The following HMCN1 variants were observed in gnomAD, a reference collection of about 807,000 sequenced individuals.
HMCN1 encodes the protein hemicentin-1.
In HMCN1, 321 loss-of-function variants were observed where a neutral mutation model predicts 625.9. The observed-to-expected ratio is 0.51, with a 90% CI of 0.47 to 0.56. The LOEUF (loss-of-function observed/expected upper bound fraction) is 0.56. Ranked by LOEUF, HMCN1 falls within the 20% of genes least tolerant of loss-of-function variation. The pLI is 0.00. For synonymous variants in HMCN1, 2,425 were observed against 2,417.6 expected (o/e 1.00, Z -0.09); for missense variants, 6,588 against 6,887.3 (o/e 0.96, Z 1.54).
chr1:185,988,936 C>T (rs183002765), intron 20 of HMCN1, among the ~76,000 whole-genome samples: 1 of 151,692 alleles, frequency 6.6e-6, no homozygotes, highest in Non-Finnish European at 1.5e-5. Context: ...CATTGCTGTT[C>T]TCTGCCTTCT....
intron 1 of HMCN1, among the ~76,000 whole-genome samples, chr1:185,780,276 A>C (rs923500010): frequency 6.6e-6 from 1 of 152,212 alleles, no homozygotes; most frequent in Non-Finnish European, 1.5e-5. Flanking sequence ...CTAAATATAC[A>C]ATCATGTCAT....
rs115499332 is a variant in HMCN1 at position 186,183,233 on chromosome 1, T to G, written c.16414+946T>G. On this transcript the variant is annotated intron_variant, in intron 105 of 106. Transcript: ENST00000271588. The stretch of plus-strand genomic sequence containing the variant: ...GCAATCAAATTTAGATTGAATTTTT[T>G]TCTCTTTATGGGATTCACAAAAGAC... 8.4e-3 allele frequency among the ~76,000 whole-genome samples: 1,279 copies of G among 152,308 alleles called. 24 individuals carry two copies. The highest frequency in any genetic ancestry group is 0.028 in the African/African-American group (1,159 of 41,568).
chr1:186,159,880 C>T (rs1195577185), intron 97 of HMCN1, among the ~76,000 whole-genome samples: 1 of 152,044 alleles, frequency 6.6e-6, no homozygotes, highest in East Asian at 1.9e-4. Flanking sequence ...GTCTAAAATG[C>T]TCTTTTTTGG....
At chr1:186,035,562 G>A (rs886948331) in intron 36 of HMCN1, among the ~76,000 whole-genome samples, 3 of 151,866 alleles carry the variant, frequency 2.0e-5, no homozygotes, top group African/African-American at 4.8e-5. Flanking sequence ...TATGGATTTC[G>A]ATTTTCTTTA....
chr1:186,126,805 C>CT (rs1230650536), intron 82 of HMCN1, among the ~76,000 whole-genome samples: 2 of 152,084 alleles, frequency 1.3e-5, no homozygotes, highest in Non-Finnish European at 2.9e-5. Context: ...ACCTTTTACT[C>CT]TAAGTCAGAA....
chr1:185,752,274 T>G (rs1461810577), intron 1 of HMCN1, among the ~76,000 whole-genome samples: 4 of 152,150 alleles, frequency 2.6e-5, no homozygotes, highest in Admixed American at 2.6e-4. Context: ...GAATTTTTCC[T>G]TGTTTTACTG....
chr1:185,778,608 T>A (rs893044705), intron 1 of HMCN1, among the ~76,000 whole-genome samples: 4 of 151,312 alleles, frequency 2.6e-5, no homozygotes, highest in African/African-American at 9.7e-5. Context: ...TGGTTTTTCG[T>A]CCTTGAGATA....
At chr1:185,866,523 G>T (rs1353511109) in intron 4 of HMCN1, among the ~76,000 whole-genome samples, 1 of 149,526 alleles carries the variant, frequency 6.7e-6, no homozygotes, top group Non-Finnish European at 1.5e-5. Flanking sequence ...TCCTGCCTCA[G>T]CCTCCCGAGT....
At chr1:186,157,943 T>C (rs1329617303) in intron 97 of HMCN1, among the ~76,000 whole-genome samples, 2 of 152,156 alleles carry the variant, frequency 1.3e-5, no homozygotes, top group Non-Finnish European at 2.9e-5. Flanking sequence ...TATAGTCCTT[T>C]GGGTATATAC....
intron 1 of HMCN1, among the ~76,000 whole-genome samples, chr1:185,823,647 G>A (rs972386686): frequency 6.6e-6 from 1 of 152,096 alleles, no homozygotes; most frequent in African/African-American, 2.4e-5. Context: ...GCTCCACTGA[G>A]CTGTTCACAT....
At chr1:185,906,980 G>C (rs1666133354) in intron 4 of HMCN1, among the ~76,000 whole-genome samples, 1 of 140,466 alleles carries the variant, frequency 7.1e-6, no homozygotes, top group Non-Finnish European at 1.5e-5. Flanking sequence ...TAGTTAGGCA[G>C]ACCCTTACAG....
chr1:185,794,923 AT>A (rs1220522982), intron 1 of HMCN1, among the ~76,000 whole-genome samples: 1 of 152,184 alleles, frequency 6.6e-6, no homozygotes, highest in East Asian at 1.9e-4. Context: ...TGGGGTAGAA[AT>A]TTTTAGATTA....
At position 185,922,389 on chromosome 1, in the gene HMCN1, G is replaced by A. The variant is rs1667045148; in HGVS notation, c.911G>A (p.Ser304Asn). Reference sequence around the variant, plus strand: ...ATTAAACATTTTCAGACCTCAAGCAGTGGAAGGCACTCTGTTCGCATTACT... The same window carrying A: ...ATTAAACATTTTCAGACCTCAAGCAATGGAAGGCACTCTGTTCGCATTACT... ...AGMWTVKTSS[S>N]GRHSVRITGL... Residue 304 changes from serine to asparagine, a missense_variant, in exon 7 of 107, where the codon AGT (serine) becomes AAT (asparagine). By Grantham distance (46) the Ser-to-Asn change is conservative. Coordinates refer to ENST00000271588, the MANE Select transcript of HMCN1 (RefSeq NM_031935.3). The A allele has an allele frequency of 1.2e-6, 2 of 1,613,548 alleles. No homozygotes were observed. The highest frequency in any genetic ancestry group is 1.3e-5 in the African/African-American group (1 of 74,944).
chr1:186,029,273 A>G (rs1655261945), intron 36 of HMCN1, among the ~76,000 whole-genome samples: 2 of 152,186 alleles, frequency 1.3e-5, no homozygotes, highest in Admixed American at 1.3e-4. Context: ...GTGAGCATCA[A>G]ATCAGACTAT....
chr1:186,121,405 G>A (rs1047100368), intron 80 of HMCN1, among the ~76,000 whole-genome samples: 7 of 152,158 alleles, frequency 4.6e-5, no homozygotes, highest in African/African-American at 1.4e-4. Flanking sequence ...TCCAAGAGTG[G>A]AGATGGGAGC....
chr1:186,128,220 G>A lies in HMCN1; in HGVS notation c.12833G>A (p.Arg4278Gln), dbSNP rs373645795. Residue 4278 changes from arginine (R) to glutamine (Q), a missense_variant, in exon 83 of 107, where the codon CGA (arginine) becomes CAA (glutamine). Around this residue, in one of 3 missense-constraint regions of HMCN1, gnomAD observed 1,954 missense variants for 2,013.1 expected, o/e 0.97. Transcript: ENST00000271588. Reference sequence around the variant, plus strand: ...TCATTAAATAAAGGAGAACAGCTACGATTAAGCTGTAAAGCTACTGGTATT... The same window carrying A: ...TCATTAAATAAAGGAGAACAGCTACAATTAAGCTGTAAAGCTACTGGTATT... Reference protein sequence around the residue: ...DVSLNKGEQLRLSCKATGIPL... With the variant: ...DVSLNKGEQLQLSCKATGIPL... The A allele has an allele frequency of 7.8e-5, 126 of 1,613,380 alleles. No homozygotes were observed. The highest frequency in any genetic ancestry group is 9.5e-5 in the Non-Finnish European group (112 of 1,179,630).
intron 1 of HMCN1, among the ~76,000 whole-genome samples, chr1:185,781,489 G>C (rs114713423): frequency 0.05 from 7,647 of 152,128 alleles, 590 homozygotes; most frequent in African/African-American, 0.17. Context: ...GCATTTAGTG[G>C]TACGAATTTC....
At chr1:186,035,465 G>A (rs188726099) in intron 36 of HMCN1, among the ~76,000 whole-genome samples, 1 of 151,856 alleles carries the variant, frequency 6.6e-6, no homozygotes, top group Non-Finnish European at 1.5e-5. Context: ...AGCCTGTTTT[G>A]GTTTATTGTG....
Position 186,015,242 on chromosome 1 carries a change from C to T in HMCN1, c.4714C>T (p.Arg1572Trp), listed in dbSNP as rs772049579. The T allele has an allele frequency of 3.2e-5, 51 of 1,613,520 alleles. No homozygotes were observed. The highest frequency in any genetic ancestry group is 2.4e-4 in the South Asian group (22 of 91,070). ...NSLIKLECET[R>W]GLPMPAITWY... ...CCTTATTAAACTGGAATGTGAAACA[C>T]GGGGACTTCCAATGCCTGCCATTAC... The change falls in exon 31 of 107, where the codon CGG (arginine) becomes TGG (tryptophan). Residue 1572 changes from arginine to tryptophan, a missense_variant. Physicochemically the swap from Arg to Trp is moderately radical, Grantham distance 101. Transcript: ENST00000271588.
Sources: gnomAD v4.1 joint callset for allele counts (sites outside exome capture counted in the v4.1 genomes callset) on GRCh38, gnomAD v4.1.1 for gene constraint, gnomAD v4.1.1 regional missense constraint, MANE v1.5 for transcripts, NCBI Gene and HGNC (gene_info 2026-07-23, HGNC 2026-07-21) for gene names.